CSMD1: variants seen among roughly 807,000 people sequenced by gnomAD.
CSMD1 encodes CUB and sushi domain-containing protein 1.
A neutral mutation model predicts 417.5 loss-of-function variants in CSMD1; 213 were observed. The ratio of observed to expected loss-of-function variants is 0.51; its 90% CI spans 0.46 to 0.57. The LOEUF (loss-of-function observed/expected upper bound fraction) is 0.57, where lower values mean the gene tolerates loss of function less well. CSMD1 is among the 20% of genes least tolerant of loss of function. The pLI, the probability that CSMD1 is intolerant of heterozygous loss-of-function variation, is 0.00. For missense variants in CSMD1, 6,923 were observed against 4,529.7 expected, an observed-to-expected ratio of 1.53 and a Z score of -15.17; for synonymous variants, 2,862 against 1,736.8, an observed-to-expected ratio of 1.65 and a Z score of -16.11.
intron 40 of CSMD1, among the ~76,000 whole-genome samples, chr8:3,145,398 C>T (rs997725270): frequency 6.6e-6 from 1 of 152,116 alleles, no homozygotes; most frequent in Non-Finnish European, 1.5e-5. Context: ...TGAACCGGCA[C>T]AGTCACGAAA....
At chr8:3,563,134 C>G (rs1190445054) in intron 10 of CSMD1, among the ~76,000 whole-genome samples, 2 of 151,760 alleles carry the variant, frequency 1.3e-5, no homozygotes, top group African/African-American at 2.4e-5. Context: ...TTATTTCTTC[C>G]CCCTATTTCA....
chr8:4,090,658 G>A (rs533367608), intron 3 of CSMD1, among the ~76,000 whole-genome samples: 1 of 152,274 alleles, frequency 6.6e-6, no homozygotes, highest in Admixed American at 6.5e-5. Context: ...TAATTTAAGT[G>A]AAAGAAAGCA....
At chr8:3,264,727 C>T (rs1250904413) in intron 26 of CSMD1, among the ~76,000 whole-genome samples, 1 of 152,024 alleles carries the variant, frequency 6.6e-6, no homozygotes, top group African/African-American at 2.4e-5. Flanking sequence ...GAAATGATTG[C>T]TAATAGAGTT....
rs574998761 is a variant in CSMD1, at chr8:4,849,374, T to C, written c.85+144958A>G. On this transcript the variant is annotated intron_variant, in intron 1 of 69. Transcript: ENST00000635120. ...AATTTAATAAACTGAAGTTAATTTTTTTCTTTATTCAATAGAATAAAGAAA... is the reference window on the plus strand; with the variant it reads ...AATTTAATAAACTGAAGTTAATTTTCTTCTTTATTCAATAGAATAAAGAAA... 3.3e-4 allele frequency among the ~76,000 whole-genome samples: 51 copies of C among 152,246 alleles called. No homozygotes were observed. In the East Asian group the frequency reaches 3.5e-3, roughly 10 times the overall value.
chr8:4,110,637 G>GGGA (rs1554452682), intron 3 of CSMD1, among the ~76,000 whole-genome samples: 1 of 152,058 alleles, frequency 6.6e-6, no homozygotes, highest in Non-Finnish European at 1.5e-5. Flanking sequence ...GATATATACA[G>GGGA]GTGTGTGTGT....
chr8:3,006,141 G>C (rs1446138589), intron 52 of CSMD1, among the ~76,000 whole-genome samples: 3 of 151,144 alleles, frequency 2.0e-5, no homozygotes, highest in African/African-American at 7.3e-5. Context: ...GACAAACAGA[G>C]AGCCAAATCA....
At chr8:4,671,855 C>CT (rs1289691908) in intron 1 of CSMD1, among the ~76,000 whole-genome samples, 1 of 152,094 alleles carries the variant, frequency 6.6e-6, no homozygotes, top group Admixed American at 6.6e-5. Context: ...TATGCTTCAT[C>CT]TTTTTAAATT....
intron 3 of CSMD1, among the ~76,000 whole-genome samples, chr8:4,230,106 C>A (rs766544347): frequency 3.9e-5 from 6 of 152,114 alleles, no homozygotes; most frequent in Non-Finnish European, 7.4e-5. Context: ...CCTTATAAAC[C>A]TTTTTCTAAG....
At chr8:4,357,482 A>G (rs1801496545) in intron 3 of CSMD1, among the ~76,000 whole-genome samples, 1 of 152,188 alleles carries the variant, frequency 6.6e-6, no homozygotes, top group Non-Finnish European at 1.5e-5. Context: ...GCCCTCACCA[A>G]CATGGCATTA....
At chr8:4,869,341 T>C (rs778331574) in intron 1 of CSMD1, among the ~76,000 whole-genome samples, 2 of 152,060 alleles carry the variant, frequency 1.3e-5, no homozygotes, top group Non-Finnish European at 2.9e-5. Flanking sequence ...GGAAACTGGA[T>C]CTCTTTCCTT....
chr8:3,315,237 T>TTAAC (rs1424415068), intron 23 of CSMD1, among the ~76,000 whole-genome samples: 2 of 152,200 alleles, frequency 1.3e-5, no homozygotes, highest in Non-Finnish European at 2.9e-5. Context: ...TTGCTTTTTA[T>TTAAC]TAACTCTATT....
At chr8:4,683,258 A>T (rs375177980) in intron 1 of CSMD1, among the ~76,000 whole-genome samples, 1 of 152,074 alleles carries the variant, frequency 6.6e-6, no homozygotes, top group East Asian at 1.9e-4. Flanking sequence ...TTTCAGAAAG[A>T]TATGTTAAAA....
At chr8:4,400,989 G>T (rs1184356537) in intron 3 of CSMD1, among the ~76,000 whole-genome samples, 1 of 151,962 alleles carries the variant, frequency 6.6e-6, no homozygotes, top group Non-Finnish European at 1.5e-5. Context: ...TTTAACAGGT[G>T]TTTCTTAACA....
intron 5 of CSMD1, among the ~76,000 whole-genome samples, chr8:3,759,314 A>C (rs1797856727): frequency 6.6e-6 from 1 of 152,184 alleles, no homozygotes; most frequent in Non-Finnish European, 1.5e-5. Flanking sequence ...CCTGAGGAAA[A>C]GGACAGAAAA....
At chr8:4,840,420 C>T (rs181872290) in intron 1 of CSMD1, among the ~76,000 whole-genome samples, 31 of 152,286 alleles carry the variant, frequency 2.0e-4, no homozygotes, top group African/African-American at 7.2e-4. Flanking sequence ...ATTTTAACCA[C>T]TTATATGTTG....
intron 2 of CSMD1, among the ~76,000 whole-genome samples, chr8:4,565,629 G>A (rs1369984162): frequency 1.3e-5 from 2 of 151,498 alleles, no homozygotes; most frequent in African/African-American, 2.4e-5. Flanking sequence ...CAGCTACTCA[G>A]GAGGCTGAAG....
intron 5 of CSMD1, among the ~76,000 whole-genome samples, chr8:3,760,421 T>C (rs1489126908): frequency 6.6e-6 from 1 of 152,196 alleles, no homozygotes; most frequent in African/African-American, 2.4e-5. Context: ...CCTTTGAGCT[T>C]AAATAGAACA....
At chr8:4,031,086 A>C (rs1479234002) in intron 4 of CSMD1, among the ~76,000 whole-genome samples, 1 of 152,090 alleles carries the variant, frequency 6.6e-6, no homozygotes, top group Non-Finnish European at 1.5e-5. Context: ...AGAATTCCAA[A>C]ACTTCCCACA....
chr8:3,901,183 G>C (rs956032666), intron 5 of CSMD1, among the ~76,000 whole-genome samples: 108 of 152,276 alleles, frequency 7.1e-4, no homozygotes, highest in African/African-American at 2.6e-3. Flanking sequence ...CAAAAGCAGA[G>C]AATTTATTGA....
Sources: allele counts gnomAD v4.1 joint callset (sites outside exome capture counted in the v4.1 genomes callset), GRCh38; gene constraint gnomAD v4.1.1; transcripts MANE v1.5; gene names NCBI Gene and HGNC (gene_info 2026-07-23, HGNC 2026-07-21).